CATSPERB: variants seen among roughly 807,000 people sequenced by gnomAD.
The protein encoded by CATSPERB is cation channel sperm-associated auxiliary subunit beta.
A neutral mutation model predicts 128.3 loss-of-function variants in CATSPERB; 93 were observed. The observed-to-expected ratio is 0.72, with a 90% CI of 0.61 to 0.86. The LOEUF is 0.86. CATSPERB is among the 40% of genes least tolerant of loss of function. CATSPERB has a pLI of 0.00. For missense variants in CATSPERB, 1,153 were observed against 1,329.5 expected, an observed-to-expected ratio of 0.87 and a Z score of 2.06; for synonymous variants, 381 against 448.8, an observed-to-expected ratio of 0.85 and a Z score of 1.91.
intron 22 of CATSPERB, among the ~76,000 whole-genome samples, chr14:91,593,376 C>A (rs1380327046): frequency 6.6e-6 from 1 of 152,230 alleles, no homozygotes; most frequent in East Asian, 1.9e-4. Context: ...CCCGTGAAAG[C>A]AGCCAGGATG....
chr14:91,629,552 A>G (rs1894234418), intron 17 of CATSPERB, among the ~76,000 whole-genome samples: 1 of 152,218 alleles, frequency 6.6e-6, no homozygotes, highest in Admixed American at 6.5e-5. Flanking sequence ...ATGTAGGTTC[A>G]TGAGCTGTAA....
intron 14 of CATSPERB, among the ~76,000 whole-genome samples, chr14:91,662,955 T>A (rs1244308985): frequency 6.6e-6 from 1 of 152,212 alleles, no homozygotes; most frequent in South Asian, 2.1e-4. Flanking sequence ...CTTAGTTAAA[T>A]GTATTGTAAA....
chr14:91,627,795 T>G (rs1023333535), intron 17 of CATSPERB, among the ~76,000 whole-genome samples: 5 of 152,056 alleles, frequency 3.3e-5, no homozygotes, highest in African/African-American at 1.2e-4. Flanking sequence ...CATAGTGAGA[T>G]CTTGCCTCTA....
chr14:91,727,161 C>T lies in CATSPERB; in HGVS notation c.80-1993G>A, dbSNP rs572964778. Among the ~76,000 whole-genome samples the T allele has an allele frequency of 2.6e-5, 4 of 152,262 alleles. No individual in the cohort carries two copies. The South Asian group carries it at 8.3e-4, about 32-fold the overall frequency. On this transcript the variant is annotated intron_variant, in intron 2 of 26. Transcript: ENST00000256343. ...ATTTTTGGCTCAAGGGGAATATGTG[C>T]AGGTTTGTTACAAAAGTATATTTTG...
chr14:91,660,112 T>A (rs1894850079), intron 14 of CATSPERB, 131 bp from the exon 15 acceptor site: 6 of 581,838 alleles, frequency 1.0e-5, no homozygotes, highest in South Asian at 2.3e-5. Flanking sequence ...TCTCTCTCTC[T>A]CTCTCACACA....
intron 22 of CATSPERB, 41 bp from the exon 23 acceptor site, chr14:91,592,043 T>C (rs1000604166): frequency 7.9e-7 from 1 of 1,270,066 alleles, no homozygotes; most frequent in Non-Finnish European, 1.2e-6. Context: ...TTTTTCTGCG[T>C]TGCGGGATTT....
At chr14:91,655,280 T>G (rs186361594) in intron 15 of CATSPERB, among the ~76,000 whole-genome samples, 30 of 152,216 alleles carry the variant, frequency 2.0e-4, no homozygotes, top group African/African-American at 6.3e-4. Context: ...CAGACACCAA[T>G]CAATGTCCAG....
At chr14:91,699,296 G>A (rs562153394) in intron 7 of CATSPERB, among the ~76,000 whole-genome samples, 3 of 152,130 alleles carry the variant, frequency 2.0e-5, no homozygotes, top group Non-Finnish European at 4.4e-5. Context: ...TTTCATAGAG[G>A]TTGTACTAAT....
chr14:91,724,290 C>G (rs1329632703), intron 3 of CATSPERB, among the ~76,000 whole-genome samples: 2 of 152,098 alleles, frequency 1.3e-5, no homozygotes, highest in Non-Finnish European at 2.9e-5. Context: ...AAGACTGGAC[C>G]CCAGCTCTGT....
At chr14:91,632,551 A>G (rs1894298435) in intron 17 of CATSPERB, among the ~76,000 whole-genome samples, 1 of 152,206 alleles carries the variant, frequency 6.6e-6, no homozygotes, top group Non-Finnish European at 1.5e-5. Context: ...ACCTAATAAC[A>G]ATCTCAAAAT....
chr14:91,728,397 G>A (rs917512932), intron 2 of CATSPERB, among the ~76,000 whole-genome samples: 2 of 152,166 alleles, frequency 1.3e-5, no homozygotes, highest in African/African-American at 4.8e-5. Context: ...TTACAGGTGT[G>A]AGCCACTGCA....
intron 11 of CATSPERB, 70 bp downstream of exon 11, chr14:91,683,807 C>T (rs1895327868): frequency 1.0e-6 from 1 of 975,964 alleles, no homozygotes; most frequent in Non-Finnish European, 1.5e-6. Flanking sequence ...ATTCCAAAGG[C>T]TGAGCTTGCA....
chr14:91,665,168 C>T (rs1002416360), intron 14 of CATSPERB, among the ~76,000 whole-genome samples: 1 of 152,104 alleles, frequency 6.6e-6, no homozygotes, highest in Non-Finnish European at 1.5e-5. Flanking sequence ...GCTGGGATTA[C>T]AGGTGTGAGC....
At chr14:91,690,180 A>G (rs191278968) in intron 10 of CATSPERB, among the ~76,000 whole-genome samples, 215 of 152,188 alleles carry the variant, frequency 1.4e-3, no homozygotes, top group African/African-American at 4.9e-3. Flanking sequence ...TTCTGTAGAG[A>G]CAGCATTTCG....
intron 11 of CATSPERB, among the ~76,000 whole-genome samples, chr14:91,678,346 C>T (rs1389662917): frequency 2.0e-5 from 3 of 152,210 alleles, no homozygotes; most frequent in Non-Finnish European, 4.4e-5. Context: ...GCCATGTGAA[C>T]AGATTCCAAT....
intron 21 of CATSPERB, among the ~76,000 whole-genome samples, chr14:91,608,956 G>T (rs1016513761): frequency 6.6e-6 from 1 of 152,058 alleles, no homozygotes; most frequent in African/African-American, 2.4e-5. Flanking sequence ...GCCTACTGTT[G>T]ACCAGAAGTC....
At chr14:91,682,509 C>T (rs1895299431) in intron 11 of CATSPERB, among the ~76,000 whole-genome samples, 1 of 152,136 alleles carries the variant, frequency 6.6e-6, no homozygotes, top group Admixed American at 6.5e-5. Flanking sequence ...GGTAGCAAAA[C>T]AGCTCCTTCT....
At position 91,657,433 on chromosome 14, in the gene CATSPERB, G is replaced by A. The variant is rs1024959914; in HGVS notation, c.1432+2404C>T. ...TAAAACGACTAAAAGAAAACTTTGA[G>A]GAAACTATCCACGACATTAATCTAG... is the stretch of plus-strand genomic sequence containing the variant. On this transcript the variant is annotated intron_variant, in intron 15 of 26. Transcript: ENST00000256343. Among the ~76,000 whole-genome samples, 3 of 151,990 alleles carry A rather than the reference G, an allele frequency of 2.0e-5. No individual in the cohort carries two copies. The South Asian group carries it at 6.2e-4, about 32-fold the overall frequency.
chr14:91,716,827 T>C (rs1895951020), intron 5 of CATSPERB, among the ~76,000 whole-genome samples: 1 of 152,004 alleles, frequency 6.6e-6, no homozygotes. Context: ...AAAGCCACTT[T>C]GGGAAATCGT....
Sources: gnomAD v4.1 joint callset for allele counts (sites outside exome capture counted in the v4.1 genomes callset) on GRCh38, gnomAD v4.1.1 for gene constraint, MANE v1.5 for transcripts, NCBI Gene and HGNC (gene_info 2026-07-23, HGNC 2026-07-21) for gene names.